The following DENND1A variants were observed in gnomAD, a reference collection of about 807,000 sequenced individuals.
DENND1A encodes DENN domain-containing protein 1A.
A neutral mutation model predicts 113.7 loss-of-function variants in DENND1A; 51 were observed. The observed-to-expected ratio is 0.45, with a 90% CI of 0.36 to 0.57. The LOEUF (loss-of-function observed/expected upper bound fraction) is 0.57, where lower values mean the gene tolerates loss of function less well. DENND1A is among the 20% of genes least tolerant of loss of function. The pLI, the probability that DENND1A is intolerant of heterozygous loss-of-function variation, is 0.00. For missense variants in DENND1A, 1,258 were observed against 1,395.9 expected, an observed-to-expected ratio of 0.90 and a Z score of 1.57; for synonymous variants, 565 against 570.8, an observed-to-expected ratio of 0.99 and a Z score of 0.14.
At chr9:123,731,712 T>C (rs1030343802) in intron 5 of DENND1A, among the ~76,000 whole-genome samples, 3 of 152,216 alleles carry the variant, frequency 2.0e-5, no homozygotes, top group Admixed American at 6.5e-5. Flanking sequence ...AAAGGTAAGA[T>C]TGATGTGTTA....
At chr9:123,757,976 T>TAAAAA (rs557446216) in intron 4 of DENND1A, among the ~76,000 whole-genome samples, 154 bp from the exon 5 acceptor site, 7 of 123,030 alleles carry the variant, frequency 5.7e-5, no homozygotes, top group African/African-American at 1.8e-4. Flanking sequence ...GTAAGCTAGT[T>TAAAAA]AAAAAAAAAA....
intron 5 of DENND1A, among the ~76,000 whole-genome samples, chr9:123,699,688 C>CTTTTCT (rs2065759313): frequency 8.9e-6 from 1 of 112,412 alleles, no homozygotes; most frequent in African/African-American, 3.9e-5. Context: ...TTCTTTCTTT[C>CTTTTCT]TTTTTTTTTT....
At chr9:123,817,852 C>A (rs1479670540) in intron 2 of DENND1A, among the ~76,000 whole-genome samples, 1 of 151,808 alleles carries the variant, frequency 6.6e-6, no homozygotes, top group Non-Finnish European at 1.5e-5. Context: ...CAAGGTGAAA[C>A]CTCCTCTATA....
At chr9:123,540,827 T>C (rs188665075) in intron 13 of DENND1A, among the ~76,000 whole-genome samples, 24 of 152,288 alleles carry the variant, frequency 1.6e-4, no homozygotes, top group African/African-American at 5.3e-4. Flanking sequence ...AGCAAGATGC[T>C]AGAGGAGTTC....
intron 3 of DENND1A, among the ~76,000 whole-genome samples, chr9:123,779,671 T>C (rs1830968943): frequency 6.6e-6 from 1 of 152,034 alleles, no homozygotes; most frequent in Admixed American, 6.6e-5. Context: ...GGCTAATTTT[T>C]GTATTTTTGG....
intron 13 of DENND1A, among the ~76,000 whole-genome samples, chr9:123,541,322 A>G (rs949187671): frequency 6.6e-6 from 1 of 152,210 alleles, no homozygotes; most frequent in East Asian, 1.9e-4. Context: ...GAGTTCAGTG[A>G]GTACCAGGTT....
At chr9:123,807,329 C>T (rs1835761602) in intron 2 of DENND1A, among the ~76,000 whole-genome samples, 2 of 152,268 alleles carry the variant, frequency 1.3e-5, no homozygotes, top group South Asian at 4.1e-4. Context: ...TTTATAATGT[C>T]CCCATCTGCC....
intron 2 of DENND1A, among the ~76,000 whole-genome samples, chr9:123,831,501 A>T (rs2132780932): frequency 6.6e-6 from 1 of 152,324 alleles, no homozygotes; most frequent in East Asian, 1.9e-4. Context: ...AAAAACTTTT[A>T]ACAATAACAA....
chr9:123,882,130 C>G (rs1848397429), intron 1 of DENND1A, among the ~76,000 whole-genome samples: 1 of 152,034 alleles, frequency 6.6e-6, no homozygotes, highest in South Asian at 2.1e-4. Flanking sequence ...ACCATGCATA[C>G]AAGCCCCAGT....
chr9:123,794,526 C>T (rs1206191951), intron 2 of DENND1A, among the ~76,000 whole-genome samples: 3 of 152,160 alleles, frequency 2.0e-5, no homozygotes, highest in African/African-American at 7.2e-5. Flanking sequence ...TCATGCCAAT[C>T]GTTACTATCA....
intron 20 of DENND1A, 81 bp from the exon 21 acceptor site, chr9:123,403,571 ACGGCCCCCCC>A: frequency 3.8e-6 from 5 of 1,312,088 alleles, no homozygotes; most frequent in Admixed American, 3.9e-5. Flanking sequence ...ATTTGGATAA[ACGGCCCCCCC>A]AAAAAACGTT....
intron 13 of DENND1A, among the ~76,000 whole-genome samples, chr9:123,527,858 T>C (rs2054974006): frequency 6.6e-6 from 1 of 152,256 alleles, no homozygotes; most frequent in African/African-American, 2.4e-5. Flanking sequence ...GCTTCTAACC[T>C]TGATTCTGCA....
intron 12 of DENND1A, among the ~76,000 whole-genome samples, chr9:123,575,547 A>G (rs2058590693): frequency 6.6e-6 from 1 of 152,224 alleles, no homozygotes; most frequent in African/African-American, 2.4e-5. Flanking sequence ...ATCAGTGGTT[A>G]TATGATATCC....
chr9:123,638,860 A>G (rs999532216), intron 9 of DENND1A, among the ~76,000 whole-genome samples: 7 of 152,024 alleles, frequency 4.6e-5, no homozygotes, highest in Non-Finnish European at 8.8e-5. Flanking sequence ...TTTCTTTGAC[A>G]ATATAAATCA....
chr9:123,389,370 T>G (rs1480141083), intron 21 of DENND1A, among the ~76,000 whole-genome samples: 1 of 152,268 alleles, frequency 6.6e-6, no homozygotes, highest in Non-Finnish European at 1.5e-5. Flanking sequence ...GGCTTTTCTC[T>G]GCTCCCAGGC....
intron 10 of DENND1A, among the ~76,000 whole-genome samples, chr9:123,609,893 A>G (rs777639794): frequency 6.6e-5 from 10 of 152,260 alleles, no homozygotes; most frequent in Non-Finnish European, 1.2e-4. Flanking sequence ...ATTACAACAG[A>G]AAAAGCAGTT....
chr9:123,682,069 A>G (rs562166204), intron 5 of DENND1A, among the ~76,000 whole-genome samples: 1 of 152,338 alleles, frequency 6.6e-6, no homozygotes, highest in South Asian at 2.1e-4. Flanking sequence ...GTGGGAAGTA[A>G]TTCTTTCCCC....
chr9:123,701,531 G>GAC (rs752351971), intron 5 of DENND1A, among the ~76,000 whole-genome samples: 4 of 152,112 alleles, frequency 2.6e-5, no homozygotes, highest in Non-Finnish European at 5.9e-5. Context: ...ACTCCAGGCC[G>GAC]ACACCTGTGA....
At position 123,448,840 on chromosome 9, in the gene DENND1A, C is replaced by T. The variant is rs114694693; in HGVS notation, c.1356+1853G>A. Reference sequence around the variant, plus strand: ...AAAAGAAAGGAATCAATTCCTTCGACCCTTTCAAGTTAATTAGAGGTCCTT... The same window carrying T: ...AAAAGAAAGGAATCAATTCCTTCGATCCTTTCAAGTTAATTAGAGGTCCTT... On this transcript the variant is annotated intron_variant, in intron 18 of 23. Coordinates refer to ENST00000394215, the MANE Select transcript of DENND1A (RefSeq NM_001352964.2). Among the ~76,000 whole-genome samples, 464 of 152,324 alleles carry T rather than the reference C, an allele frequency of 3.0e-3. 2 individuals carry two copies. Among genetic ancestry groups the T allele is most frequent in the African/African-American group, 0.011 (442 of 41,570 alleles).
Sources: allele counts gnomAD v4.1 joint callset (sites outside exome capture counted in the v4.1 genomes callset), GRCh38; gene constraint gnomAD v4.1.1; transcripts MANE v1.5; gene names NCBI Gene and HGNC (gene_info 2026-07-23, HGNC 2026-07-21).